TRAPPC9: variants seen among roughly 807,000 people sequenced by gnomAD.
The protein encoded by TRAPPC9 is IKK2 binding protein.
In TRAPPC9, 83 loss-of-function variants were observed where a neutral mutation model predicts 124.0. The ratio of observed to expected loss-of-function variants is 0.67; its 90% CI spans 0.56 to 0.80. TRAPPC9 has a LOEUF of 0.80. TRAPPC9 is among the 30% of genes least tolerant of loss of function. The pLI, the probability that TRAPPC9 is intolerant of heterozygous loss-of-function variation, is 0.00. For synonymous variants in TRAPPC9, 638 were observed against 617.5 expected (o/e 1.03, Z -0.49); for missense variants, 1,302 against 1,508.3 (o/e 0.86, Z 2.27).
At position 140,221,504 on chromosome 8, in the gene TRAPPC9, C is replaced by T. The variant is rs2063337352; in HGVS notation, c.2511G>A (p.Val837=). ...CTGCTTTGTTGCTCTCGGGTGGGTT[C>T]ACAGGTTTGCCCTCCACTCGGGGCC... ...VVRPRVEGKP[V]NPPESNKAGD... The change falls in exon 17 of 23, where the codon GTG becomes GTA. Residue 837 remains valine (V), a synonymous_variant. Coordinates refer to ENST00000438773, the MANE Select transcript of TRAPPC9 (RefSeq NM_001160372.4). The T allele has an allele frequency of 6.2e-7, 1 of 1,614,016 alleles. No homozygotes were observed. Among genetic ancestry groups the T allele is most frequent in the African/African-American group, 1.3e-5 (1 of 74,914 alleles).
intron 9 of TRAPPC9, among the ~76,000 whole-genome samples, chr8:140,347,467 C>T (rs1457386453): frequency 6.6e-6 from 1 of 152,224 alleles, no homozygotes; most frequent in African/African-American, 2.4e-5. Flanking sequence ...CCTGTGAGTC[C>T]TCTTTCCAAC....
chr8:140,376,497 A>G (rs181990402), intron 7 of TRAPPC9, among the ~76,000 whole-genome samples: 6 of 145,056 alleles, frequency 4.1e-5, no homozygotes, highest in African/African-American at 1.3e-4. Flanking sequence ...CGGAACTTGC[A>G]GTGAGCCGGG....
chr8:139,935,602 G>C (rs187690625), intron 19 of TRAPPC9, among the ~76,000 whole-genome samples: 5 of 151,108 alleles, frequency 3.3e-5, no homozygotes, highest in Admixed American at 3.3e-4. Context: ...GGGAAACAGG[G>C]ATATGATATG....
At chr8:140,419,669 A>G (rs2070126125) in intron 5 of TRAPPC9, among the ~76,000 whole-genome samples, 1 of 151,648 alleles carries the variant, frequency 6.6e-6, no homozygotes, top group Admixed American at 6.6e-5. Context: ...GGAGATCACG[A>G]GGTCAGGAGA....
At chr8:139,934,798 T>C (rs1050373818) in intron 19 of TRAPPC9, among the ~76,000 whole-genome samples, 5 of 152,178 alleles carry the variant, frequency 3.3e-5, no homozygotes, top group African/African-American at 1.2e-4. Context: ...GACATGGCTC[T>C]GGGCAGGACA....
chr8:140,114,590 C>T (rs138595164), intron 17 of TRAPPC9, among the ~76,000 whole-genome samples: 7 of 152,256 alleles, frequency 4.6e-5, no homozygotes, highest in Middle Eastern at 3.4e-3. Context: ...TAGGACCATC[C>T]GTCACCGATG....
intron 14 of TRAPPC9, among the ~76,000 whole-genome samples, chr8:140,282,246 T>C (rs896055340): frequency 3.3e-5 from 5 of 152,210 alleles, no homozygotes; most frequent in Admixed American, 6.5e-5. Context: ...CTTGTGCCTA[T>C]AATCCCAGCA....
At chr8:139,755,553 G>T (rs1399877462) in intron 21 of TRAPPC9, among the ~76,000 whole-genome samples, 8 of 135,092 alleles carry the variant, frequency 5.9e-5, no homozygotes, top group South Asian at 2.6e-4. Context: ...GAGGACAGCA[G>T]GTCGCAGGAG....
intron 9 of TRAPPC9, among the ~76,000 whole-genome samples, chr8:140,345,182 A>G (rs1208090382): frequency 6.6e-6 from 1 of 152,252 alleles, no homozygotes; most frequent in Non-Finnish European, 1.5e-5. Flanking sequence ...CAGAACATGC[A>G]GAAGTGGGAG....
At chr8:140,028,318 A>C (rs1275412249) in intron 17 of TRAPPC9, among the ~76,000 whole-genome samples, 1 of 152,154 alleles carries the variant, frequency 6.6e-6, no homozygotes, top group Non-Finnish European at 1.5e-5. Flanking sequence ...ATCATAAACG[A>C]GGGACTACAA....
At chr8:140,258,576 A>G (rs533203763) in intron 15 of TRAPPC9, among the ~76,000 whole-genome samples, 13 of 152,356 alleles carry the variant, frequency 8.5e-5, no homozygotes, top group Non-Finnish European at 1.5e-4. Context: ...CCTGACCCCA[A>G]AATGGAAGCT....
intron 19 of TRAPPC9, among the ~76,000 whole-genome samples, chr8:139,958,982 C>T (rs940639168): frequency 6.9e-4 from 103 of 149,030 alleles, no homozygotes; most frequent in Middle Eastern, 3.5e-3. Context: ...CCGAGTCACA[C>T]GGGGGAGCAC....
At chr8:140,247,743 A>C (rs1341823882) in intron 16 of TRAPPC9, among the ~76,000 whole-genome samples, 1 of 151,990 alleles carries the variant, frequency 6.6e-6, no homozygotes, top group Non-Finnish European at 1.5e-5. Context: ...TTTCTCTTTA[A>C]TCATCTTTCT....
intron 19 of TRAPPC9, among the ~76,000 whole-genome samples, chr8:139,934,369 T>C (rs1833383994): frequency 6.6e-6 from 1 of 152,162 alleles, no homozygotes; most frequent in Admixed American, 6.5e-5. Flanking sequence ...GTGTCTCCTG[T>C]CATTACAGTT....
Position 139,834,429 on chromosome 8 carries a change from G to C in TRAPPC9, c.3055+51450C>G, listed in dbSNP as rs557300108. 2.6e-5 allele frequency among the ~76,000 whole-genome samples: 4 copies of C among 152,338 alleles called. No homozygotes were observed. The East Asian group carries it at 7.7e-4, about 29-fold the overall frequency. ...ACAATGACGTGTGTGTTCACCACGT[G>C]ACATGCACAACTGAGAGACAGAGCT... is the stretch of plus-strand genomic sequence containing the variant. On this transcript the variant is annotated intron_variant, in intron 21 of 22. Coordinates refer to ENST00000438773, the MANE Select transcript of TRAPPC9 (RefSeq NM_001160372.4).
intron 19 of TRAPPC9, among the ~76,000 whole-genome samples, chr8:139,977,213 G>A (rs891104381): frequency 8.5e-5 from 13 of 152,222 alleles, no homozygotes; most frequent in East Asian, 5.8e-4. Flanking sequence ...CGGCCCGTGC[G>A]GGACAGGGCT....
chr8:139,727,948 G>C lies in TRAPPC9; in HGVS notation c.*3113C>G, dbSNP rs1177510223. 6.6e-6 allele frequency among the ~76,000 whole-genome samples: 1 copy of C among 152,134 alleles called. No homozygotes were observed. The highest frequency in any genetic ancestry group is 1.5e-5 in the Non-Finnish European group (1 of 68,026). ...GGATATTTCAGGCACAGGACATGTG[G>C]ATGGAATTAAAAAGAACAGCAATGG... On this transcript the variant is annotated 3_prime_UTR_variant, in exon 23 of 23. Transcript: ENST00000438773.
intron 17 of TRAPPC9, among the ~76,000 whole-genome samples, chr8:140,190,982 G>A (rs1029310892): frequency 1.4e-4 from 21 of 152,132 alleles, no homozygotes; most frequent in Admixed American, 5.2e-4. Flanking sequence ...CCAAAGTCAC[G>A]TCTGCTGTTA....
At chr8:139,766,367 GC>G (rs1356171471) in intron 21 of TRAPPC9, among the ~76,000 whole-genome samples, 2 of 152,198 alleles carry the variant, frequency 1.3e-5, no homozygotes, top group South Asian at 2.1e-4. Context: ...CTGCAGTAAT[GC>G]CCCCAGGCTG....
Sources: allele counts gnomAD v4.1 joint callset (sites outside exome capture counted in the v4.1 genomes callset), GRCh38; gene constraint gnomAD v4.1.1; transcripts MANE v1.5; gene names NCBI Gene and HGNC (gene_info 2026-07-23, HGNC 2026-07-21).